Variants in FNDC1 observed in about 807,000 individuals in gnomAD.
FNDC1 encodes fibronectin type III domain containing 1.
A neutral mutation model predicts 168.0 loss-of-function variants in FNDC1; 96 were observed. The observed-to-expected ratio is 0.57, with a 90% CI of 0.48 to 0.68. FNDC1 has a LOEUF of 0.68. Among genes scored for constraint, FNDC1 ranks in the 30% least tolerant of loss-of-function variants. FNDC1 has a pLI of 0.00. For missense variants in FNDC1, 2,587 were observed against 2,482.1 expected (o/e 1.04, Z -0.90); for synonymous variants, 1,099 against 1,025.9 (o/e 1.07, Z -1.36).
intron 22 of FNDC1, among the ~76,000 whole-genome samples, chr6:159,269,297 C>T (rs868605763): frequency 0.01 from 767 of 75,262 alleles, 53 homozygotes; most frequent in Middle Eastern, 0.032. Flanking sequence ...TCTATCCATC[C>T]ATCCATCTAT....
chr6:159,208,954 T>A (rs773597648), intron 4 of FNDC1, among the ~76,000 whole-genome samples: 3 of 151,054 alleles, frequency 2.0e-5, no homozygotes, highest in Non-Finnish European at 4.4e-5. Flanking sequence ...ATCAAGCGAT[T>A]CTCTTGCCTC....
chr6:159,171,401 A>G (rs868553868), intron 1 of FNDC1, among the ~76,000 whole-genome samples: 18 of 152,232 alleles, frequency 1.2e-4, no homozygotes, highest in African/African-American at 3.9e-4. Flanking sequence ...TATGGGGTAC[A>G]TAACTTCTTT....
chr6:159,202,871 G>T (rs922607498), intron 4 of FNDC1, among the ~76,000 whole-genome samples: 4 of 152,170 alleles, frequency 2.6e-5, no homozygotes, highest in Admixed American at 6.5e-5. Flanking sequence ...CTATTAATTT[G>T]CTGGGGCTGC....
At chr6:159,241,526 A>G (rs1783420672) in intron 14 of FNDC1, among the ~76,000 whole-genome samples, 1 of 152,208 alleles carries the variant, frequency 6.6e-6, no homozygotes, top group African/African-American at 2.4e-5. Context: ...CTAAAGAATA[A>G]TTTTCCTCTG....
chr6:159,258,452 A>G (rs533352649), intron 18 of FNDC1, among the ~76,000 whole-genome samples: 36 of 152,318 alleles, frequency 2.4e-4, no homozygotes, highest in African/African-American at 6.3e-4. Flanking sequence ...AATCTGAACC[A>G]TAAGAATCAG....
rs879486115 is a variant in FNDC1, at chr6:159,231,334, C to T, written c.1370-548C>T. 1.0e-4 allele frequency among the ~76,000 whole-genome samples: 3 copies of T among 28,964 alleles called. 1 individual carries two copies. The highest frequency in any genetic ancestry group is 5.1e-4 in the Non-Finnish European group (2 of 3,898). The allele number at this position is 28,964 out of a possible 152,430, so 19.0% of individuals were successfully genotyped here. ...AGCTTGCAGTGAGCCGAGATTGCGCCACTGCAGTCCGCAGTCCGGCCTGGG... is the reference window on the plus strand; with the variant it reads ...AGCTTGCAGTGAGCCGAGATTGCGCTACTGCAGTCCGCAGTCCGGCCTGGG... On this transcript the variant is annotated intron_variant, in intron 10 of 22. Coordinates refer to ENST00000297267, the MANE Select transcript of FNDC1 (RefSeq NM_032532.3).
chr6:159,232,854 C>T lies in FNDC1; in HGVS notation c.2342C>T (p.Ala781Val). ...TCCAGGACGCAGGTCTCTGAGGGAG[C>T]GGAGGCTTCTGATGGTGAAAGCCAC... is the stretch of plus-strand genomic sequence containing the variant. ...LSSRTQVSEG[A>V]EASDGESHGD... is the part of the protein sequence containing the mutation. Residue 781 changes from alanine (A) to valine (V), a missense_variant, in exon 11 of 23, where the codon GCG (alanine) becomes GTG (valine). Coordinates refer to ENST00000297267, the MANE Select transcript of FNDC1 (RefSeq NM_032532.3). This position sits in a 1 kb window ranked among gnomAD's most constrained non-coding sequence, Gnocchi z 4.9. 6.2e-7 allele frequency: 1 copy of T among 1,613,742 alleles called. No individual in the cohort carries two copies. The highest frequency in any genetic ancestry group is 1.3e-5 in the African/African-American group (1 of 75,062).
chr6:159,261,062 G>A, intron 18 of FNDC1, 128 bp from the exon 19 acceptor site: 2 of 660,264 alleles, frequency 3.0e-6, no homozygotes, highest in Non-Finnish European at 5.3e-6. Flanking sequence ...CACTAGTGCT[G>A]TATGCATTTG....
intron 1 of FNDC1, among the ~76,000 whole-genome samples, chr6:159,183,255 G>T (rs1781920203): frequency 6.6e-6 from 1 of 152,204 alleles, no homozygotes; most frequent in Non-Finnish European, 1.5e-5. Context: ...TTGAATGGTG[G>T]TGGACACTCT....
intron 17 of FNDC1, among the ~76,000 whole-genome samples, chr6:159,254,707 CAAAA>C (rs61644137): frequency 2.6e-3 from 242 of 92,588 alleles, no homozygotes; most frequent in Middle Eastern, 5.6e-3. Flanking sequence ...GACTTCGTCT[CAAAA>C]AAAAAAAAAA....
intron 6 of FNDC1, 44 bp downstream of exon 6, chr6:159,221,740 G>A: frequency 3.6e-6 from 5 of 1,387,656 alleles, no homozygotes; most frequent in Non-Finnish European, 2.1e-6. Context: ...AGTCTGGTAT[G>A]AATGCTATGT....
Position 159,226,551 on chromosome 6 carries a change from C to A in FNDC1, c.1151C>A (p.Ala384Glu). 1.2e-6 allele frequency: 2 copies of A among 1,607,948 alleles called. No individual in the cohort carries two copies. The highest frequency in any genetic ancestry group is 1.7e-6 in the Non-Finnish European group (2 of 1,177,028). The change falls in exon 9 of 23, where the codon GCG becomes GAG. Residue 384 changes from alanine to glutamate, a missense_variant. Transcript: ENST00000297267. The stretch of plus-strand genomic sequence containing the variant: ...ACAGTTGTCGCTGCATCTTGGGATG[C>A]GCTACCAGAGACTGAGGGGAAAGTG... ...KPTVVAASWD[A>E]LPETEGKVKE...
At chr6:159,237,007 C>G (rs1176410745) in intron 12 of FNDC1, among the ~76,000 whole-genome samples, 2 of 152,016 alleles carry the variant, frequency 1.3e-5, no homozygotes, top group Non-Finnish European at 2.9e-5. Flanking sequence ...CTGTAATTCC[C>G]AACCAAAACT....
At chr6:159,229,127 C>G (rs1022857265) in intron 9 of FNDC1, among the ~76,000 whole-genome samples, 2 of 142,034 alleles carry the variant, frequency 1.4e-5, no homozygotes, top group Non-Finnish European at 3.0e-5. Flanking sequence ...ATTTTAGTTC[C>G]TTGAACTGAA....
intron 21 of FNDC1, among the ~76,000 whole-genome samples, chr6:159,267,467 C>T (rs1157364873): frequency 6.6e-6 from 1 of 152,160 alleles, no homozygotes; most frequent in Non-Finnish European, 1.5e-5. Flanking sequence ...ATAGTAACTT[C>T]ATGATGTATT....
rs755290240 is a variant in FNDC1, at chr6:159,232,779, A to T, written c.2267A>T (p.Asn756Ile). 1 of 1,613,690 alleles carries T rather than the reference A, an allele frequency of 6.2e-7. No homozygotes were observed. Among genetic ancestry groups the T allele is most frequent in the Non-Finnish European group, 8.5e-7 (1 of 1,179,866 alleles). The change falls in exon 11 of 23, where the codon AAT becomes ATT. Residue 756 changes from asparagine (N) to isoleucine (I), a missense_variant. Asn to Ile is a moderately radical substitution (Grantham distance 149). Transcript: ENST00000297267. The surrounding 1 kb of genome is among the most constrained non-coding windows in gnomAD (Gnocchi z 4.9). ...DGEDAPATNS[N>I]APSRSTMSSS... ...GAGGACGCCCCAGCCACCAACTCCA[A>T]TGCGCCATCACGGTCCACCATGTCC...
intron 4 of FNDC1, among the ~76,000 whole-genome samples, chr6:159,205,631 G>A (rs112591996): frequency 3.3e-5 from 5 of 152,158 alleles, no homozygotes; most frequent in African/African-American, 1.2e-4. Context: ...AGGCTTCTAG[G>A]TTCCTTTCTA....
chr6:159,189,351 T>A (rs1316249616), intron 1 of FNDC1, among the ~76,000 whole-genome samples: 1 of 152,154 alleles, frequency 6.6e-6, no homozygotes, highest in Non-Finnish European at 1.5e-5. Context: ...ACTGGCCACA[T>A]CTCCAGTCCA....
At position 159,248,122 on chromosome 6, in the gene FNDC1, G is replaced by A. The variant is rs989840521; in HGVS notation, c.4691-917G>A. Among the ~76,000 whole-genome samples, 3 of 152,188 alleles carry A rather than the reference G, an allele frequency of 2.0e-5. No individual in the cohort carries two copies. In the East Asian group the frequency reaches 5.8e-4, roughly 29 times the overall value. On this transcript the variant is annotated intron_variant, in intron 15 of 22. Coordinates refer to ENST00000297267, the MANE Select transcript of FNDC1 (RefSeq NM_032532.3). ...CAAAAACTGACTTAAAAGAAAAACA[G>A]CAGATGTTAGAAAGCAAACGAAGAT...
Sources: gnomAD v4.1 joint callset for allele counts (sites outside exome capture counted in the v4.1 genomes callset) on GRCh38, gnomAD v4.1.1 for gene constraint, Gnocchi (gnomAD v3.1) non-coding constraint, MANE v1.5 for transcripts, NCBI Gene and HGNC (gene_info 2026-07-23, HGNC 2026-07-21) for gene names.